Variants in CCDC146 observed in about 807,000 individuals in gnomAD.
CCDC146 encodes the protein coiled-coil domain containing 146, also known as coiled-coil domain-containing protein 146.
Under a neutral mutation model 119.3 loss-of-function variants are expected in CCDC146, and 92 were observed. That is an observed-to-expected ratio of 0.77 (90% confidence interval 0.65 to 0.92). The LOEUF is 0.92. Ranked by LOEUF, CCDC146 falls within the 40% of genes least tolerant of loss-of-function variation. The probability of loss-of-function intolerance (pLI) is 0.00; values close to 1 mark genes in which losing one functional copy is unlikely to be tolerated. For synonymous variants in CCDC146, 372 were observed against 371.8 expected, an observed-to-expected ratio of 1.00 and a Z score of -0.01; for missense variants, 1,000 against 1,103.0, an observed-to-expected ratio of 0.91 and a Z score of 1.32.
At chr7:77,224,331 T>C (rs1336489431) in intron 2 of CCDC146, among the ~76,000 whole-genome samples, 3 of 152,168 alleles carry the variant, frequency 2.0e-5, no homozygotes, top group Non-Finnish European at 4.4e-5. Context: ...CCTTCCTCCA[T>C]AGTCAGCAAC....
In CCDC146 at chr7:77,184,819, T is replaced by C. The variant is rs567312416; in HGVS notation, c.156+16995T>C. ...ATTAACACACTTGAAAATATATTAA[T>C]TTTTGAAATATCTCCTGTTAGCAAA... On this transcript the variant is annotated intron_variant, in intron 2 of 18. Coordinates refer to ENST00000285871, the MANE Select transcript of CCDC146 (RefSeq NM_020879.3). Among the ~76,000 whole-genome samples, 4 of 152,316 alleles carry C rather than the reference T, an allele frequency of 2.6e-5. No homozygotes were observed. In the East Asian group the frequency reaches 7.7e-4, roughly 29 times the overall value.
Position 77,294,918 on chromosome 7 carries a change from T to A in CCDC146, c.*52T>A. 6.8e-7 allele frequency: 1 copy of A among 1,467,262 alleles called. No individual in the cohort carries two copies. Among genetic ancestry groups the A allele is most frequent in the Non-Finnish European group, 9.4e-7 (1 of 1,063,498 alleles). 90.9% of individuals were successfully genotyped at this position (1,467,262 alleles called of 1,614,324 possible). On this transcript the variant is annotated 3_prime_UTR_variant, in exon 19 of 19. Transcript: ENST00000285871. ...AGGAAAAGACTTCAACCAGGCTTCC[T>A]TGTACCCACAGGTGAAAAATGTGAG...
At chr7:77,161,772 A>G (rs1327496321) in intron 1 of CCDC146, among the ~76,000 whole-genome samples, 1 of 152,062 alleles carries the variant, frequency 6.6e-6, no homozygotes, top group Non-Finnish European at 1.5e-5. Flanking sequence ...ATGTACCCTA[A>G]AACTTAAAGT....
chr7:77,156,592 T>C (rs1277818018), intron 1 of CCDC146, among the ~76,000 whole-genome samples: 2 of 152,164 alleles, frequency 1.3e-5, no homozygotes, highest in Non-Finnish European at 2.9e-5. Flanking sequence ...AAATAAAATA[T>C]GTATCTATAT....
intron 2 of CCDC146, among the ~76,000 whole-genome samples, chr7:77,192,997 C>T (rs1584057931): frequency 6.6e-6 from 1 of 152,138 alleles, no homozygotes; most frequent in East Asian, 1.9e-4. Context: ...AGGACAATAA[C>T]ATGATCAGAA....
chr7:77,196,362 C>T lies in CCDC146; in HGVS notation c.156+28538C>T, dbSNP rs1236609828. On this transcript the variant is annotated intron_variant, in intron 2 of 18. Coordinates refer to ENST00000285871, the MANE Select transcript of CCDC146 (RefSeq NM_020879.3). This position sits in a 1 kb window ranked among gnomAD's most constrained non-coding sequence, Gnocchi z 4.2. ...TAGCCACCAGGGTGTGCCTCACTTA[C>T]ACCAGGCCAGGTACCCCAGAAAATC... 3 of 1,614,020 alleles carry T rather than the reference C, an allele frequency of 1.9e-6. No homozygotes were observed. Among genetic ancestry groups the T allele is most frequent in the African/African-American group, 1.3e-5 (1 of 74,918 alleles).
intron 8 of CCDC146, among the ~76,000 whole-genome samples, chr7:77,260,929 A>G (rs1400895299): frequency 1.3e-5 from 2 of 151,738 alleles, no homozygotes; most frequent in African/African-American, 4.8e-5. Context: ...CGCCCAGCCT[A>G]TGTCCTGCTT....
chr7:77,210,923 T>G (rs1792169905), intron 2 of CCDC146, among the ~76,000 whole-genome samples: 1 of 152,170 alleles, frequency 6.6e-6, no homozygotes, highest in Admixed American at 6.5e-5. Flanking sequence ...GGGGGATATC[T>G]GACCCCTAAT....
At chr7:77,238,862 C>T (rs1240163269) in intron 3 of CCDC146, among the ~76,000 whole-genome samples, 1 of 152,184 alleles carries the variant, frequency 6.6e-6, no homozygotes, top group Non-Finnish European at 1.5e-5. Flanking sequence ...TCTTCCTCTT[C>T]CAGGTTGTGT....
At chr7:77,134,583 G>GTC (rs1321967013) in intron 1 of CCDC146, among the ~76,000 whole-genome samples, 1 of 151,568 alleles carries the variant, frequency 6.6e-6, no homozygotes, top group East Asian at 1.9e-4. Context: ...GTGTGTGTGT[G>GTC]TGTGTGTGTG....
At chr7:77,180,501 C>G (rs1791570092) in intron 2 of CCDC146, among the ~76,000 whole-genome samples, 1 of 152,090 alleles carries the variant, frequency 6.6e-6, no homozygotes, top group Non-Finnish European at 1.5e-5. Context: ...GAGTTCAAGA[C>G]CAGTCTGGGA....
chr7:77,260,307 A>T, intron 8 of CCDC146, 71 bp downstream of exon 8: 1 of 1,113,446 alleles, frequency 9.0e-7, no homozygotes, highest in Non-Finnish European at 1.3e-6. Context: ...AGAATTCAAA[A>T]TCTCACTTTG....
At chr7:77,271,562 A>C (rs1362298514) in intron 9 of CCDC146, among the ~76,000 whole-genome samples, 1 of 79,552 alleles carries the variant, frequency 1.3e-5, no homozygotes, top group African/African-American at 5.0e-5. Context: ...ATATATATAT[A>C]TATATATGGA....
chr7:77,256,198 C>G (rs1324466373), intron 5 of CCDC146, 135 bp from the exon 6 acceptor site: 5 of 611,636 alleles, frequency 8.2e-6, no homozygotes, highest in Non-Finnish European at 1.4e-5. Flanking sequence ...AATCATTTAA[C>G]CTTGTGAGAA....
At position 77,236,625 on chromosome 7, in the gene CCDC146, A is replaced by G. The variant is rs543942814; in HGVS notation, c.157-322A>G. Among the ~76,000 whole-genome samples, 12 of 152,350 alleles carry G rather than the reference A, an allele frequency of 7.9e-5. No homozygotes were observed. The South Asian group carries it at 1.9e-3, about 24-fold the overall frequency. On this transcript the variant is annotated intron_variant, in intron 2 of 18. Coordinates refer to ENST00000285871, the MANE Select transcript of CCDC146 (RefSeq NM_020879.3). ...CTTACAAATAGCCAACCTATAATCT[A>G]CACTATTCAGATTGTTTGTTAAACC... is the stretch of plus-strand genomic sequence containing the variant.
At chr7:77,224,047 G>T (rs1177718878) in intron 2 of CCDC146, among the ~76,000 whole-genome samples, 1 of 152,198 alleles carries the variant, frequency 6.6e-6, no homozygotes, top group African/African-American at 2.4e-5. Flanking sequence ...AAAAGAAATT[G>T]CAGATAGGTA....
chr7:77,278,349 A>G (rs1316890132), intron 11 of CCDC146, among the ~76,000 whole-genome samples: 1 of 151,894 alleles, frequency 6.6e-6, no homozygotes, highest in Admixed American at 6.6e-5. Flanking sequence ...GTCTTAGCCA[A>G]TGTGAATCAG....
chr7:77,246,369 G>A (rs922141143), intron 4 of CCDC146: 1 of 152,202 alleles, frequency 6.6e-6, no homozygotes, highest in Admixed American at 6.5e-5. Flanking sequence ...AGCATATCGG[G>A]CTTCCTGCAT....
chr7:77,234,362 A>C (rs1792693886), intron 2 of CCDC146, among the ~76,000 whole-genome samples: 5 of 152,170 alleles, frequency 3.3e-5, no homozygotes, highest in Admixed American at 3.3e-4. Context: ...ATATTGGCTA[A>C]AAAATACTGC....
Sources: gnomAD v4.1 joint callset for allele counts (sites outside exome capture counted in the v4.1 genomes callset) on GRCh38, gnomAD v4.1.1 for gene constraint, Gnocchi (gnomAD v3.1) non-coding constraint, MANE v1.5 for transcripts, NCBI Gene and HGNC (gene_info 2026-07-23, HGNC 2026-07-21) for gene names.